Variants in SNCAIP observed in about 807,000 individuals in gnomAD.
The protein encoded by SNCAIP is synphilin-1.
Under a neutral mutation model 86.7 loss-of-function variants are expected in SNCAIP, and 43 were observed. The observed-to-expected ratio is 0.50, with a 90% CI of 0.39 to 0.64. The LOEUF (loss-of-function observed/expected upper bound fraction) is 0.64. SNCAIP is among the 30% of genes least tolerant of loss of function. The pLI is 0.00. For synonymous variants in SNCAIP, 417 were observed against 427.2 expected (o/e 0.98, Z 0.29); for missense variants, 981 against 1,103.1 (o/e 0.89, Z 1.57).
Position 122,430,225 on chromosome 5 carries a change from G to A in SNCAIP, c.1183-1744G>A, listed in dbSNP as rs867389910. ...CTAATCCTATTCTACTAATTTAAAT[G>A]CTACCCTCAGTGAAGCCTCCCTTGG... On this transcript the variant is annotated intron_variant, in intron 5 of 10. Coordinates refer to ENST00000261368, the MANE Select transcript of SNCAIP (RefSeq NM_005460.4). Among the ~76,000 whole-genome samples the A allele has an allele frequency of 3.3e-5, 5 of 152,124 alleles. No homozygotes were observed. In the South Asian group the frequency reaches 6.2e-4, roughly 19 times the overall value.
At chr5:122,433,764 G>A (rs1430928178) in intron 6 of SNCAIP, among the ~76,000 whole-genome samples, 9 of 152,278 alleles carry the variant, frequency 5.9e-5, no homozygotes, top group South Asian at 2.1e-4. Context: ...TTATGCAGAC[G>A]CTCCCCAACT....
rs767723638 is a variant in SNCAIP at position 122,422,903 on chromosome 5, C to G, written c.166C>G (p.Leu56Val). 6.2e-7 allele frequency: 1 copy of G among 1,614,028 alleles called. No homozygotes were observed. The highest frequency in any genetic ancestry group is 8.5e-7 in the Non-Finnish European group (1 of 1,179,898). Residue 56 changes from leucine (L) to valine (V), a missense_variant, in exon 4 of 11, where the codon CTT becomes GTT. Physicochemically the swap from Leu to Val is conservative, Grantham distance 32 (BLOSUM62 1). Coordinates refer to ENST00000261368, the MANE Select transcript of SNCAIP (RefSeq NM_005460.4). ...TAGCTGGAATTGTGGCATCTCAACT[C>G]TTATTACAAACACGCAAAAGCCCAC... ...SSSWNCGIST[L>V]ITNTQKPTGI...
chr5:122,443,693 G>A (rs1168822244), intron 7 of SNCAIP: 4 of 455,584 alleles, frequency 8.8e-6, no homozygotes, highest in Middle Eastern at 6.6e-4. Context: ...GAGGTATGAA[G>A]AGAAAAAGTC....
At chr5:122,388,083 T>C (rs1370440745) in intron 1 of SNCAIP, among the ~76,000 whole-genome samples, 1 of 152,178 alleles carries the variant, frequency 6.6e-6, no homozygotes, top group Non-Finnish European at 1.5e-5. Context: ...GGAGAGGCTC[T>C]GGGAAAATGG....
chr5:122,410,205 C>T (rs1773837059), intron 3 of SNCAIP, among the ~76,000 whole-genome samples: 1 of 152,142 alleles, frequency 6.6e-6, no homozygotes, highest in African/African-American at 2.4e-5. Context: ...GCCACCAAAA[C>T]AAAATTACTG....
intron 1 of SNCAIP, among the ~76,000 whole-genome samples, chr5:122,358,140 G>T (rs930027935): frequency 6.7e-6 from 1 of 150,016 alleles, no homozygotes; most frequent in African/African-American, 2.5e-5. Context: ...CAGGATCAAA[G>T]AAAGAAAAAT....
Position 122,451,000 on chromosome 5 carries a change from A to G in SNCAIP, c.2153A>G (p.His718Arg). Residue 718 changes from histidine (H) to arginine (R), a missense_variant, in exon 10 of 11, where the codon CAC becomes CGC. His to Arg is a conservative substitution (Grantham distance 29). Transcript: ENST00000261368. ...AGTATGGACAGCGCAGAAAGCCTGC[A>G]CCTGATGATTAAGAAACACACCTTG... ...VESMDSAESL[H>R]LMIKKHTLAS... The G allele has an allele frequency of 6.2e-7, 1 of 1,614,150 alleles. No homozygotes were observed. Among genetic ancestry groups the G allele is most frequent in the Non-Finnish European group, 8.5e-7 (1 of 1,180,006 alleles).
At chr5:122,424,001 G>T (rs1456528354) in intron 4 of SNCAIP, among the ~76,000 whole-genome samples, 1 of 152,198 alleles carries the variant, frequency 6.6e-6, no homozygotes, top group African/African-American at 2.4e-5. Flanking sequence ...TAATCTCAAA[G>T]AGAGCCCGGC....
intron 3 of SNCAIP, among the ~76,000 whole-genome samples, chr5:122,405,309 A>C (rs1372188679): frequency 6.6e-6 from 1 of 152,240 alleles, no homozygotes; most frequent in African/African-American, 2.4e-5. Flanking sequence ...GTGATGTATC[A>C]AAAGGTTACT....
intron 1 of SNCAIP, among the ~76,000 whole-genome samples, chr5:122,344,782 A>T (rs1354189431): frequency 6.6e-6 from 1 of 152,204 alleles, no homozygotes; most frequent in East Asian, 1.9e-4. Context: ...TTTGTATTAT[A>T]TATTTTCAAA....
intron 1 of SNCAIP, among the ~76,000 whole-genome samples, chr5:122,315,230 A>G (rs569380565): frequency 2.8e-4 from 42 of 152,288 alleles, no homozygotes; most frequent in African/African-American, 8.7e-4. Context: ...CTGGTGGTAT[A>G]ATTGTGAATG....
rs759725311 is a variant in SNCAIP, at chr5:122,444,647, A to G, written c.1507A>G (p.Thr503Ala). ...PSQSAERQGH[T>A]LCSRYLVVVE... ...CCAGAGCGCCGAGCGGCAGGGGCAC[A>G]CCCTGTGCTCCAGGTACCTGGTGGT... The change falls in exon 8 of 11, where the codon ACC (threonine) becomes GCC (alanine). Residue 503 changes from threonine (T) to alanine (A), a missense_variant. Transcript: ENST00000261368. 1 of 1,614,054 alleles carries G rather than the reference A, an allele frequency of 6.2e-7. No homozygotes were observed.
chr5:122,394,886 A>G (rs1580964149), intron 2 of SNCAIP, among the ~76,000 whole-genome samples: 2 of 152,076 alleles, frequency 1.3e-5, no homozygotes, highest in East Asian at 1.9e-4. Flanking sequence ...TGCGAGGCAA[A>G]CTCTGTTTTT....
intron 4 of SNCAIP, 86 bp from the exon 5 acceptor site, chr5:122,425,266 C>A: frequency 9.7e-7 from 1 of 1,027,392 alleles, no homozygotes; most frequent in Non-Finnish European, 1.6e-6. Flanking sequence ...AAGCTCATTT[C>A]TTCTTTCCAG....
At chr5:122,451,946 A>G in intron 10 of SNCAIP, 2 of 266,560 alleles carry the variant, frequency 7.5e-6, no homozygotes, top group Non-Finnish European at 1.4e-5. Context: ...GCGCAAGTTT[A>G]GTCCTGCATT....
intron 1 of SNCAIP, among the ~76,000 whole-genome samples, chr5:122,339,944 T>C (rs1757228372): frequency 1.3e-5 from 2 of 152,192 alleles, no homozygotes; most frequent in South Asian, 2.1e-4. Context: ...AGCAGGGGGT[T>C]AATTATATTA....
rs138693012 is a variant in SNCAIP at position 122,451,325 on chromosome 5, G to A, written c.2478G>A (p.Glu826=). ...VTFEEPVVQM[E]QPSLELNGEK... ...TTGAGGAGCCTGTGGTGCAGATGGA[G>A]CAGCCTAGCCTTGAACTGAATGGAG... is the stretch of plus-strand genomic sequence containing the variant. Residue 826 remains glutamate (E), a synonymous_variant, in exon 10 of 11, where the codon GAG becomes GAA. Transcript: ENST00000261368. 4.3e-6 allele frequency: 7 copies of A among 1,614,054 alleles called. No homozygotes were observed. The African/African-American group carries it at 8.0e-5, about 18-fold the overall frequency.
intron 2 of SNCAIP, among the ~76,000 whole-genome samples, chr5:122,400,395 A>G (rs752567699): frequency 2.0e-5 from 3 of 152,234 alleles, no homozygotes; most frequent in Non-Finnish European, 4.4e-5. Flanking sequence ...TTGAATGTCT[A>G]TAATATTATG....
Position 122,382,325 on chromosome 5 carries a change from T to G in SNCAIP, c.-46-8764T>G, listed in dbSNP as rs973210715. Among the ~76,000 whole-genome samples the G allele has an allele frequency of 2.3e-3, 357 of 152,338 alleles. 3 individuals carry two copies. The highest frequency in any genetic ancestry group is 3.7e-3 in the Non-Finnish European group (251 of 68,034). On this transcript the variant is annotated intron_variant, in intron 1 of 10. Transcript: ENST00000261368. ...CATTGCTGATACCCTTTCTTCCAGT[T>G]GATCGCATTGGCTCCTGAGACTTCT...
Sources: allele counts gnomAD v4.1 joint callset (sites outside exome capture counted in the v4.1 genomes callset), GRCh38; gene constraint gnomAD v4.1.1; transcripts MANE v1.5; gene names NCBI Gene and HGNC (gene_info 2026-07-23, HGNC 2026-07-21).